AJAP1: variants seen among roughly 807,000 people sequenced by gnomAD.
AJAP1 encodes adherens junctions associated protein 1, also known as adherens junction-associated protein 1.
Under a neutral mutation model 35.0 loss-of-function variants are expected in AJAP1, and 5 were observed. The observed-to-expected ratio is 0.14, with a 90% CI of 0.07 to 0.30. The LOEUF (loss-of-function observed/expected upper bound fraction) is 0.30, where lower values mean the gene tolerates loss of function less well. Among genes scored for constraint, AJAP1 ranks in the 10% least tolerant of loss-of-function variants. The pLI, the probability that AJAP1 is intolerant of heterozygous loss-of-function variation, is 1.00. For synonymous variants in AJAP1, 284 were observed against 249.3 expected, an observed-to-expected ratio of 1.14 and a Z score of -1.31; for missense variants, 586 against 571.0, an observed-to-expected ratio of 1.03 and a Z score of -0.27.
At chr1:4,675,971 G>T (rs997191528) in intron 1 of AJAP1, among the ~76,000 whole-genome samples, 1 of 152,220 alleles carries the variant, frequency 6.6e-6, no homozygotes, top group Non-Finnish European at 1.5e-5. Context: ...TCCTGCAGGG[G>T]CTGGGACGCC....
At chr1:4,719,831 T>A (rs954596702) in intron 2 of AJAP1, among the ~76,000 whole-genome samples, 1 of 152,174 alleles carries the variant, frequency 6.6e-6, no homozygotes, top group Admixed American at 6.5e-5. Flanking sequence ...GGTGCGCCCC[T>A]TCCCTCCCTG....
rs3886389 is a variant in AJAP1, at chr1:4,696,541, A to T, written c.30-15359A>T. On this transcript the variant is annotated intron_variant, in intron 1 of 5. Coordinates refer to ENST00000378191, the MANE Select transcript of AJAP1 (RefSeq NM_018836.4). Reference sequence around the variant, plus strand: ...CCAGGGCAGCTGTATGCCGGGCTGCATCTGCTCTAGACACTCCACTTGGGA... The same window carrying T: ...CCAGGGCAGCTGTATGCCGGGCTGCTTCTGCTCTAGACACTCCACTTGGGA... 1.3e-3 allele frequency among the ~76,000 whole-genome samples: 195 copies of T among 152,170 alleles called. 1 individual carries two copies. The highest frequency in any genetic ancestry group is 4.6e-3 in the African/African-American group (189 of 41,524).
At chr1:4,701,274 G>A (rs1197011504) in intron 1 of AJAP1, among the ~76,000 whole-genome samples, 1 of 152,188 alleles carries the variant, frequency 6.6e-6, no homozygotes, top group South Asian at 2.1e-4. Context: ...CTAGTCTCCC[G>A]CACACCCCTG....
chr1:4,714,346 C>T (rs973331154), intron 2 of AJAP1, among the ~76,000 whole-genome samples: 2 of 152,170 alleles, frequency 1.3e-5, no homozygotes, highest in South Asian at 2.1e-4. Flanking sequence ...CACTGTCAGG[C>T]GCCTGCTAGC....
At chr1:4,717,717 A>G (rs2100276648) in intron 2 of AJAP1, among the ~76,000 whole-genome samples, 1 of 152,308 alleles carries the variant, frequency 6.6e-6, no homozygotes, top group South Asian at 2.1e-4. Context: ...CAGCTGACCT[A>G]AGCATCAATG....
intron 2 of AJAP1, among the ~76,000 whole-genome samples, chr1:4,728,895 G>A (rs935542520): frequency 3.9e-5 from 6 of 151,936 alleles, no homozygotes; most frequent in African/African-American, 1.5e-4. Flanking sequence ...TCCTGTCACC[G>A]GGGACATGGG....
At chr1:4,735,687 T>G (rs486207) in intron 2 of AJAP1, among the ~76,000 whole-genome samples, 101,449 of 151,932 alleles carry the variant, frequency 0.67, 35,192 homozygotes, top group Middle Eastern at 0.78. Context: ...TCCCTGCTCC[T>G]CTGCTCCCTG....
At chr1:4,709,518 G>A (rs2100260760) in intron 1 of AJAP1, among the ~76,000 whole-genome samples, 1 of 152,294 alleles carries the variant, frequency 6.6e-6, no homozygotes, top group Admixed American at 6.5e-5. Flanking sequence ...CCCTGCACCT[G>A]CTCAGAGCAG....
intron 2 of AJAP1, among the ~76,000 whole-genome samples, chr1:4,755,454 G>T (rs974077006): frequency 6.6e-6 from 1 of 151,950 alleles, no homozygotes; most frequent in Admixed American, 6.5e-5. Flanking sequence ...CTGCCAGTGG[G>T]TTTTGCAGGC....
chr1:4,722,635 G>A (rs142286617), intron 2 of AJAP1, among the ~76,000 whole-genome samples: 4 of 152,322 alleles, frequency 2.6e-5, no homozygotes, highest in Admixed American at 1.3e-4. Flanking sequence ...GGTCCCTCCG[G>A]AGGCCCTGGG....
intron 1 of AJAP1, among the ~76,000 whole-genome samples, chr1:4,708,005 A>C (rs537330237): frequency 1.6e-4 from 21 of 134,136 alleles, no homozygotes; most frequent in Admixed American, 1.1e-3. Context: ...GTCTCACTCC[A>C]TCTCCAGCCT....
At chr1:4,677,324 G>A (rs557723573) in intron 1 of AJAP1, among the ~76,000 whole-genome samples, 2 of 152,148 alleles carry the variant, frequency 1.3e-5, no homozygotes, top group South Asian at 2.1e-4. Context: ...GCAAGTTCTC[G>A]CTTTGTAGGG....
chr1:4,687,748 G>A (rs1213184497), intron 1 of AJAP1, among the ~76,000 whole-genome samples: 1 of 152,172 alleles, frequency 6.6e-6, no homozygotes, highest in African/African-American at 2.4e-5. Context: ...CAGGCAGAAC[G>A]CCCAGCCCAG....
chr1:4,696,176 TG>T (rs5772179), intron 1 of AJAP1, among the ~76,000 whole-genome samples: 13,652 of 152,244 alleles, frequency 0.09, 822 homozygotes, highest in East Asian at 0.34. Context: ...GGAGGCTCCC[TG>T]GCCCAGGCAG....
intron 1 of AJAP1, among the ~76,000 whole-genome samples, chr1:4,682,238 T>G (rs2100211113): frequency 6.6e-6 from 1 of 152,282 alleles, no homozygotes. Context: ...GTGCTGCCCA[T>G]CGATGGTCTT....
At chr1:4,774,162 C>T (rs114501911) in intron 4 of AJAP1, among the ~76,000 whole-genome samples, 58 of 152,350 alleles carry the variant, frequency 3.8e-4, no homozygotes, top group East Asian at 2.5e-3. Context: ...CACAGCCTTC[C>T]GGCCTGTGCA....
At chr1:4,728,041 A>G (rs1037612419) in intron 2 of AJAP1, among the ~76,000 whole-genome samples, 15 of 152,186 alleles carry the variant, frequency 9.9e-5, no homozygotes, top group Non-Finnish European at 1.8e-4. Context: ...GACCTAACAA[A>G]GCCATAGCCA....
chr1:4,761,344 G>C (rs2100346970), intron 2 of AJAP1, among the ~76,000 whole-genome samples: 1 of 152,308 alleles, frequency 6.6e-6, no homozygotes, highest in East Asian at 1.9e-4. Flanking sequence ...GGCTCTCTCT[G>C]AGTCCCGTCT....
At chr1:4,664,573 G>C (rs1276166928) in intron 1 of AJAP1, among the ~76,000 whole-genome samples, 1 of 152,124 alleles carries the variant, frequency 6.6e-6, no homozygotes, top group Non-Finnish European at 1.5e-5. Context: ...GGGGGGCCCC[G>C]GTCATGCCCT....
Sources: gnomAD v4.1 joint callset for allele counts (sites outside exome capture counted in the v4.1 genomes callset) on GRCh38, gnomAD v4.1.1 for gene constraint, MANE v1.5 for transcripts, NCBI Gene and HGNC (gene_info 2026-07-23, HGNC 2026-07-21) for gene names.